CA10: variants seen among roughly 807,000 people sequenced by gnomAD.
CA10 encodes carbonic anhydrase 10 (inactive).
In CA10, 14 loss-of-function variants were observed where a neutral mutation model predicts 44.2. The ratio of observed to expected loss-of-function variants is 0.32; its 90% CI spans 0.21 to 0.50. The LOEUF is 0.50. Among genes scored for constraint, CA10 ranks in the 20% least tolerant of loss-of-function variants. The pLI is 0.99. For synonymous variants in CA10, 159 were observed against 141.6 expected (o/e 1.12, Z -0.87); for missense variants, 350 against 409.7 (o/e 0.85, Z 1.26).
At chr17:51,987,772 G>T (rs1267388794) in intron 2 of CA10, among the ~76,000 whole-genome samples, 1 of 151,720 alleles carries the variant, frequency 6.6e-6, no homozygotes, top group East Asian at 1.9e-4. Context: ...TTAAGAGAGG[G>T]GTACAGTAAA....
chr17:51,653,658 C>G lies in CA10; in HGVS notation c.544G>C (p.Val182Leu). ...AAKSPNGLVV[V>L]SIFIKVSDSS... ...AGACTTACTTTTATAAATATAGAAACTACCACCAATCCATTTGGACTCTTT... is the reference window on the plus strand; with the variant it reads ...AGACTTACTTTTATAAATATAGAAAGTACCACCAATCCATTTGGACTCTTT... The change falls in exon 5 of 9, where the codon GTT (valine) becomes CTT (leucine). Residue 182 changes from valine to leucine, a missense_variant. Val to Leu is a conservative substitution (Grantham distance 32). Transcript: ENST00000451037. The G allele has an allele frequency of 6.3e-7, 1 of 1,587,410 alleles. No individual in the cohort carries two copies. Among genetic ancestry groups the G allele is most frequent in the Non-Finnish European group, 8.7e-7 (1 of 1,155,692 alleles).
At chr17:51,944,634 A>C (rs897797836) in intron 2 of CA10, among the ~76,000 whole-genome samples, 2 of 152,118 alleles carry the variant, frequency 1.3e-5, no homozygotes, top group Non-Finnish European at 1.5e-5. Context: ...ACAATACAGC[A>C]AATTTTTATA....
At chr17:51,921,862 G>T (rs1982246960) in intron 3 of CA10, among the ~76,000 whole-genome samples, 1 of 152,198 alleles carries the variant, frequency 6.6e-6, no homozygotes. Flanking sequence ...AGTTTGAGAG[G>T]AAAGTTTTAT....
At chr17:51,680,750 C>T (rs1914817823) in intron 4 of CA10, among the ~76,000 whole-genome samples, 1 of 152,164 alleles carries the variant, frequency 6.6e-6, no homozygotes, top group African/African-American at 2.4e-5. Context: ...CCCTCAATAA[C>T]ATGCTCAGTC....
At chr17:51,644,749 T>C (rs1913248258) in intron 6 of CA10, among the ~76,000 whole-genome samples, 1 of 151,338 alleles carries the variant, frequency 6.6e-6, no homozygotes, top group African/African-American at 2.4e-5. Context: ...CCCCTCTTTC[T>C]CTCACATAAA....
chr17:51,880,039 A>ATC (rs1177562868), intron 3 of CA10, among the ~76,000 whole-genome samples: 3 of 152,206 alleles, frequency 2.0e-5, no homozygotes, highest in African/African-American at 4.8e-5. Context: ...CCAATCCAGA[A>ATC]TCCACACCTC....
At chr17:51,858,403 AC>A (rs1222570421) in intron 3 of CA10, among the ~76,000 whole-genome samples, 1 of 152,130 alleles carries the variant, frequency 6.6e-6, no homozygotes, top group African/African-American at 2.4e-5. Flanking sequence ...CCCACAGTCT[AC>A]CCCTTCCACC....
chr17:51,868,871 A>T (rs1341147257), intron 3 of CA10, among the ~76,000 whole-genome samples: 1 of 150,452 alleles, frequency 6.6e-6, no homozygotes, highest in South Asian at 2.1e-4. Flanking sequence ...CAAGTTAGCT[A>T]TGAAGCCAAA....
At position 52,158,059 on chromosome 17, in the gene CA10, C is replaced by G. The variant is rs1989847597; in HGVS notation, c.-273G>C. Reference sequence around the variant, plus strand: ...GCTGCCTTGGAGGTCTCCCCGCTCGCGTGTCTCTTCTCTTCGCACCAGCGG... The same window carrying G: ...GCTGCCTTGGAGGTCTCCCCGCTCGGGTGTCTCTTCTCTTCGCACCAGCGG... On this transcript the variant is annotated 5_prime_UTR_variant, in exon 1 of 9. Transcript: ENST00000451037. 1 of 539,884 alleles carries G rather than the reference C, an allele frequency of 1.9e-6. No individual in the cohort carries two copies. The highest frequency in any genetic ancestry group is 3.3e-6 in the Non-Finnish European group (1 of 301,794). The allele number at this position is 539,884 out of a possible 1,614,324, so 33.4% of individuals were successfully genotyped here.
intron 2 of CA10, among the ~76,000 whole-genome samples, chr17:52,007,667 T>C (rs1346074540): frequency 1.3e-5 from 2 of 151,604 alleles, no homozygotes; most frequent in South Asian, 2.1e-4. Context: ...TTTGTATATA[T>C]GATCACACAT....
chr17:51,810,913 T>C (rs1010151121), intron 3 of CA10, among the ~76,000 whole-genome samples: 7 of 152,202 alleles, frequency 4.6e-5, no homozygotes, highest in African/African-American at 1.7e-4. Flanking sequence ...GATCACCCTA[T>C]AATAATTTCT....
At chr17:52,003,208 T>C (rs982833881) in intron 2 of CA10, among the ~76,000 whole-genome samples, 8 of 151,902 alleles carry the variant, frequency 5.3e-5, no homozygotes, top group Non-Finnish European at 1.0e-4. Context: ...TAACCTGACC[T>C]GTTATTTACA....
At chr17:51,735,631 C>T (rs1234684548) in intron 4 of CA10, among the ~76,000 whole-genome samples, 1 of 152,130 alleles carries the variant, frequency 6.6e-6, no homozygotes, top group African/African-American at 2.4e-5. Context: ...CATTTTTGAG[C>T]ACTCATTCTG....
intron 1 of CA10, among the ~76,000 whole-genome samples, chr17:52,085,550 TC>T (rs1988095197): frequency 6.6e-6 from 1 of 152,216 alleles, no homozygotes; most frequent in Non-Finnish European, 1.5e-5. Context: ...GTGCAAGTGT[TC>T]CAATGAAACT....
At chr17:52,017,740 C>T (rs576357816) in intron 2 of CA10, among the ~76,000 whole-genome samples, 19 of 152,228 alleles carry the variant, frequency 1.2e-4, no homozygotes, top group African/African-American at 1.9e-4. Context: ...ACCAAGCAGG[C>T]TGTGGAGCAA....
Position 51,964,832 on chromosome 17 carries a change from T to C in CA10, c.137-33700A>G, listed in dbSNP as rs376245706. 1.4e-4 allele frequency among the ~76,000 whole-genome samples: 21 copies of C among 151,992 alleles called. No individual in the cohort carries two copies. In the South Asian group the frequency reaches 4.2e-3, roughly 30 times the overall value. On this transcript the variant is annotated intron_variant, in intron 2 of 8. Coordinates refer to ENST00000451037, the MANE Select transcript of CA10 (RefSeq NM_020178.5). ...ATCTCAAATTAGTGATCTATCATTGTACCTAGAGAAACCTGAAAAACAAGA... is the reference window on the plus strand; with the variant it reads ...ATCTCAAATTAGTGATCTATCATTGCACCTAGAGAAACCTGAAAAACAAGA...
At chr17:52,156,459 A>G (rs1277156586) in intron 1 of CA10, among the ~76,000 whole-genome samples, 1 of 152,200 alleles carries the variant, frequency 6.6e-6, no homozygotes, top group Non-Finnish European at 1.5e-5. Flanking sequence ...CAAGCCCCAC[A>G]CAGAATGATT....
Position 51,841,798 on chromosome 17 carries a change from A to C in CA10, c.279+89192T>G, listed in dbSNP as rs558722682. ...TCCCAGAGCAAGGTGTCCACAGGTC[A>C]GGAAAGCTCCAGGGAGGGTATATTA... On this transcript the variant is annotated intron_variant, in intron 3 of 8. Transcript: ENST00000451037. Among the ~76,000 whole-genome samples the C allele has an allele frequency of 1.2e-4, 18 of 152,338 alleles. No individual in the cohort carries two copies. The South Asian group carries it at 3.3e-3, about 28-fold the overall frequency.
intron 2 of CA10, among the ~76,000 whole-genome samples, chr17:51,933,940 G>A (rs1056672143): frequency 1.3e-5 from 2 of 152,106 alleles, no homozygotes; most frequent in Non-Finnish European, 2.9e-5. Context: ...AACTTTATGC[G>A]AACATCTGCC....
Sources: allele counts gnomAD v4.1 joint callset (sites outside exome capture counted in the v4.1 genomes callset), GRCh38; gene constraint gnomAD v4.1.1; transcripts MANE v1.5; gene names NCBI Gene and HGNC (gene_info 2026-07-23, HGNC 2026-07-21).